GRIN3A: variants seen among roughly 807,000 people sequenced by gnomAD.
GRIN3A encodes glutamate receptor ionotropic, NMDA 3A.
GRIN3A carries 47 observed loss-of-function variants against 92.4 expected under a neutral mutation model. The observed-to-expected ratio is 0.51, with a 90% CI of 0.40 to 0.65. The LOEUF is 0.65. Among genes scored for constraint, GRIN3A ranks in the 30% least tolerant of loss-of-function variants. The probability of loss-of-function intolerance (pLI) is 0.00; values close to 1 mark genes in which losing one functional copy is unlikely to be tolerated. For synonymous variants in GRIN3A, 527 were observed against 540.6 expected, an observed-to-expected ratio of 0.97 and a Z score of 0.35; for missense variants, 1,324 against 1,393.1, an observed-to-expected ratio of 0.95 and a Z score of 0.79.
intron 3 of GRIN3A, among the ~76,000 whole-genome samples, chr9:101,642,504 G>A (rs1266598845): frequency 6.6e-6 from 1 of 152,126 alleles, no homozygotes; most frequent in African/African-American, 2.4e-5. Context: ...AACAGTTTCT[G>A]CCTAGCAAAG....
In GRIN3A at chr9:101,623,409, G is replaced by C; in HGVS notation, c.2523C>G (p.Ala841=). Residue 841 remains alanine (A), a synonymous_variant, in exon 5 of 9, where the codon GCC becomes GCG. Transcript: ENST00000361820. ...YLKNDPEKLD[A]FIMDKALLDY... is the part of the protein sequence containing the mutation. Reference sequence around the variant, plus strand: ...CCAGAAGGGCTTTGTCCATGATGAAGGCGTCTAGTTTCTCTGGATCATTCC... The same window carrying C: ...CCAGAAGGGCTTTGTCCATGATGAACGCGTCTAGTTTCTCTGGATCATTCC... 1 of 1,612,286 alleles carries C rather than the reference G, an allele frequency of 6.2e-7. No individual in the cohort carries two copies. The highest frequency in any genetic ancestry group is 8.5e-7 in the Non-Finnish European group (1 of 1,178,330).
At chr9:101,625,396 A>T (rs1023051773) in intron 4 of GRIN3A, among the ~76,000 whole-genome samples, 3 of 152,148 alleles carry the variant, frequency 2.0e-5, no homozygotes, top group Non-Finnish European at 4.4e-5. Flanking sequence ...AATCAAAAAG[A>T]GAAAGATATC....
At chr9:101,594,379 G>A (rs1249644866) in intron 6 of GRIN3A, 1 of 1,557,424 alleles carries the variant, frequency 6.4e-7, no homozygotes, top group Non-Finnish European at 8.7e-7. Context: ...GAAAGCAGAA[G>A]TTGTTGGGTG....
At chr9:101,702,383 T>G (rs1452519069) in intron 1 of GRIN3A, among the ~76,000 whole-genome samples, 2 of 152,332 alleles carry the variant, frequency 1.3e-5, no homozygotes, top group East Asian at 3.9e-4. Context: ...TCCAAACAAC[T>G]TTTATAACAA....
intron 1 of GRIN3A, among the ~76,000 whole-genome samples, chr9:101,721,508 C>T (rs982998728): frequency 2.6e-5 from 4 of 152,064 alleles, no homozygotes; most frequent in Non-Finnish European, 2.9e-5. Flanking sequence ...GGGTAATGGG[C>T]AGAGGCTGGA....
At chr9:101,604,276 AAAAG>A (rs1828248420) in intron 6 of GRIN3A, among the ~76,000 whole-genome samples, 1 of 152,226 alleles carries the variant, frequency 6.6e-6, no homozygotes, top group Non-Finnish European at 1.5e-5. Flanking sequence ...GAAAGGAAGC[AAAAG>A]AAAGAACGAA....
intron 3 of GRIN3A, 30 bp from the exon 4 acceptor site, chr9:101,628,431 T>A: frequency 6.2e-7 from 1 of 1,601,196 alleles, no homozygotes; most frequent in Admixed American, 1.7e-5. Context: ...ATGGCTTAAA[T>A]AAAAATTATT....
chr9:101,630,009 T>C (rs953499070), intron 3 of GRIN3A, among the ~76,000 whole-genome samples: 1 of 152,242 alleles, frequency 6.6e-6, no homozygotes, highest in Non-Finnish European at 1.5e-5. Flanking sequence ...ATTATCCTTA[T>C]GCCTTGAACC....
chr9:101,662,223 A>G (rs967830280), intron 3 of GRIN3A, among the ~76,000 whole-genome samples: 11 of 151,816 alleles, frequency 7.2e-5, no homozygotes, highest in African/African-American at 2.4e-4. Flanking sequence ...TTTGTCTCCA[A>G]ACTCCTCTCT....
At chr9:101,667,112 T>C (rs1829249012) in intron 3 of GRIN3A, among the ~76,000 whole-genome samples, 1 of 152,024 alleles carries the variant, frequency 6.6e-6, no homozygotes, top group Non-Finnish European at 1.5e-5. Context: ...TCCTGTAACC[T>C]ATGCTGTAGC....
chr9:101,581,705 G>A (rs774959036), intron 6 of GRIN3A, among the ~76,000 whole-genome samples: 9 of 152,070 alleles, frequency 5.9e-5, no homozygotes, highest in Non-Finnish European at 1.2e-4. Flanking sequence ...ACCCAGTCTC[G>A]GGTATTTTGT....
chr9:101,649,527 C>G (rs1231520219), intron 3 of GRIN3A, among the ~76,000 whole-genome samples: 1 of 152,020 alleles, frequency 6.6e-6, no homozygotes. Flanking sequence ...ATTCTCTCCT[C>G]TCACATCAGC....
chr9:101,586,092 G>A (rs1215487048), intron 6 of GRIN3A, among the ~76,000 whole-genome samples: 2 of 151,848 alleles, frequency 1.3e-5, no homozygotes, highest in African/African-American at 4.8e-5. Flanking sequence ...ACTTTCTTTA[G>A]GTTTCTTCTC....
At chr9:101,586,130 C>T (rs1283963742) in intron 6 of GRIN3A, among the ~76,000 whole-genome samples, 2 of 152,202 alleles carry the variant, frequency 1.3e-5, no homozygotes, top group Non-Finnish European at 2.9e-5. Flanking sequence ...GAAGTTTACC[C>T]TAATCACTGT....
chr9:101,707,423 GA>G (rs1829826920), intron 1 of GRIN3A, among the ~76,000 whole-genome samples: 1 of 152,110 alleles, frequency 6.6e-6, no homozygotes, highest in Non-Finnish European at 1.5e-5. Context: ...TTTATTATCT[GA>G]TGCTGTATAC....
intron 6 of GRIN3A, among the ~76,000 whole-genome samples, chr9:101,590,210 A>T (rs62575852): frequency 1.3e-5 from 2 of 152,104 alleles, no homozygotes; most frequent in Non-Finnish European, 2.9e-5. Flanking sequence ...ATTATGAATC[A>T]GCTAATTCCT....
chr9:101,599,554 G>C (rs961822167), intron 6 of GRIN3A, among the ~76,000 whole-genome samples: 49 of 152,206 alleles, frequency 3.2e-4, no homozygotes, highest in African/African-American at 1.1e-3. Context: ...GGATTGATGT[G>C]GACTGTAGGA....
chr9:101,695,364 G>A (rs1309614800), intron 1 of GRIN3A, among the ~76,000 whole-genome samples: 2 of 152,104 alleles, frequency 1.3e-5, no homozygotes, highest in African/African-American at 4.8e-5. Context: ...AGTATTATCA[G>A]CACCAAGAAA....
chr9:101,652,690 G>A (rs944016058), intron 3 of GRIN3A, among the ~76,000 whole-genome samples: 6 of 152,138 alleles, frequency 3.9e-5, no homozygotes, highest in African/African-American at 1.4e-4. Context: ...TTGGACTGGT[G>A]CAGCCTAGTT....
Sources: allele counts gnomAD v4.1 joint callset (sites outside exome capture counted in the v4.1 genomes callset), GRCh38; gene constraint gnomAD v4.1.1; transcripts MANE v1.5; gene names NCBI Gene and HGNC (gene_info 2026-07-23, HGNC 2026-07-21).